The following RABGAP1L variants were observed in gnomAD, a reference collection of about 807,000 sequenced individuals.
The protein encoded by RABGAP1L is rab GTPase-activating protein 1-like.
In RABGAP1L, 63 loss-of-function variants were observed where a neutral mutation model predicts 137.7. The observed-to-expected ratio is 0.46, with a 90% CI of 0.37 to 0.56. RABGAP1L has a LOEUF of 0.56. RABGAP1L is among the 20% of genes least tolerant of loss of function. The probability of loss-of-function intolerance (pLI) is 0.00; values close to 1 mark genes in which losing one functional copy is unlikely to be tolerated. For missense variants in RABGAP1L, 1,095 were observed against 1,244.0 expected, an observed-to-expected ratio of 0.88 and a Z score of 1.80; for synonymous variants, 431 against 433.7, an observed-to-expected ratio of 0.99 and a Z score of 0.08.
At chr1:174,982,261 C>A (rs563969563) in intron 23 of RABGAP1L, among the ~76,000 whole-genome samples, 18 of 152,224 alleles carry the variant, frequency 1.2e-4, no homozygotes, top group Admixed American at 8.5e-4. Flanking sequence ...TTAGGTATTT[C>A]TCCTAATGTT....
intron 19 of RABGAP1L, among the ~76,000 whole-genome samples, chr1:174,859,757 G>A (rs1173550227): frequency 6.6e-6 from 1 of 151,902 alleles, no homozygotes; most frequent in Non-Finnish European, 1.5e-5. Context: ...ATACCTGGGT[G>A]ATGAAATAAT....
At chr1:174,508,859 A>C (rs1053490048) in intron 13 of RABGAP1L, among the ~76,000 whole-genome samples, 1 of 152,060 alleles carries the variant, frequency 6.6e-6, no homozygotes, top group Non-Finnish European at 1.5e-5. Context: ...TGCCTATTTT[A>C]TTGTTTCTGT....
intron 14 of RABGAP1L, among the ~76,000 whole-genome samples, chr1:174,647,436 G>A (rs572316171): frequency 3.3e-5 from 5 of 152,020 alleles, no homozygotes; most frequent in South Asian, 2.1e-4. Context: ...GAATTTTATC[G>A]AAGCCCTTTC....
intron 18 of RABGAP1L, among the ~76,000 whole-genome samples, chr1:174,773,546 A>G (rs1686292681): frequency 1.3e-5 from 2 of 152,218 alleles, no homozygotes; most frequent in Admixed American, 6.5e-5. Flanking sequence ...TGAATTAAGC[A>G]TATTCTATTG....
intron 19 of RABGAP1L, among the ~76,000 whole-genome samples, chr1:174,925,349 C>T (rs1167459298): frequency 6.2e-5 from 7 of 113,256 alleles, no homozygotes; most frequent in Non-Finnish European, 1.0e-4. Context: ...CTCGAGACTC[C>T]GTCTCAAAAA....
At chr1:174,340,145 T>A (rs547902720) in intron 11 of RABGAP1L, among the ~76,000 whole-genome samples, 1 of 152,358 alleles carries the variant, frequency 6.6e-6, no homozygotes, top group Non-Finnish European at 1.5e-5. Context: ...ACTATTTACA[T>A]GATATGAAAC....
intron 11 of RABGAP1L, among the ~76,000 whole-genome samples, chr1:174,352,124 T>C (rs984728751): frequency 6.6e-6 from 1 of 152,146 alleles, no homozygotes; most frequent in Non-Finnish European, 1.5e-5. Flanking sequence ...TACTCTGTTA[T>C]TATCCCTTTG....
At chr1:174,267,041 C>T (rs1674132304) in intron 7 of RABGAP1L, among the ~76,000 whole-genome samples, 1 of 152,114 alleles carries the variant, frequency 6.6e-6, no homozygotes, top group South Asian at 2.1e-4. Flanking sequence ...TCACTAGGAA[C>T]AGAAAGCTGC....
intron 24 of RABGAP1L, among the ~76,000 whole-genome samples, chr1:174,983,962 C>T (rs1671355466): frequency 6.8e-6 from 1 of 146,392 alleles, no homozygotes; most frequent in Non-Finnish European, 1.5e-5. Context: ...ACTCTTTGTA[C>T]ATTATAGGCA....
chr1:174,580,023 A>C (rs1404798058), intron 13 of RABGAP1L, among the ~76,000 whole-genome samples: 3 of 152,166 alleles, frequency 2.0e-5, no homozygotes, highest in Non-Finnish European at 4.4e-5. Context: ...CGGCCTCCCA[A>C]AGTGCTGGGA....
At chr1:174,926,110 C>G (rs370353797) in intron 19 of RABGAP1L, among the ~76,000 whole-genome samples, 20 of 152,144 alleles carry the variant, frequency 1.3e-4, no homozygotes, top group East Asian at 9.7e-4. Context: ...TGTAATAATA[C>G]TGCCTTAATT....
At chr1:174,945,840 T>C (rs938777288) in intron 19 of RABGAP1L, 1 of 152,222 alleles carries the variant, frequency 6.6e-6, no homozygotes, top group Non-Finnish European at 1.5e-5. Context: ...GTGATCTGCT[T>C]TAAGCTATAA....
rs368432186 is a variant in RABGAP1L, at chr1:174,250,560, C to T, written c.803C>T (p.Thr268Ile). ...GATGTTAAAGACTCAGTTATTCCTA[C>T]CCCCGACAGTGATGTGTTTACCTTC... Reference protein sequence around the residue: ...VSDVKDSVIPTPDSDVFTFSV... With the variant: ...VSDVKDSVIPIPDSDVFTFSV... The change falls in exon 6 of 26, where the codon ACC (threonine) becomes ATC (isoleucine). Residue 268 changes from threonine to isoleucine, a missense_variant. Transcript: ENST00000681986. 3 of 1,613,778 alleles carry T rather than the reference C, an allele frequency of 1.9e-6. No homozygotes were observed. The highest frequency in any genetic ancestry group is 1.7e-6 in the Non-Finnish European group (2 of 1,179,776).
intron 19 of RABGAP1L, among the ~76,000 whole-genome samples, chr1:174,887,347 T>C (rs531439166): frequency 7.2e-5 from 11 of 152,296 alleles, no homozygotes; most frequent in South Asian, 2.1e-4. Context: ...TTATATAATA[T>C]TCACAAAAAT....
Position 174,976,034 on chromosome 1 carries a change from CTGTATGACTGTGA to C in RABGAP1L, c.2545-28_2545-16del, listed in dbSNP as rs142125254. 0.21 allele frequency: 308,354 copies of C among 1,480,146 alleles called. 34,600 individuals are homozygous for C. The highest frequency in any genetic ancestry group is 0.23 in the Non-Finnish European group (249,170 of 1,083,578). The allele number at this position is 1,480,146 out of a possible 1,614,324, so 91.7% of individuals were successfully genotyped here. On this transcript the variant is annotated intron_variant, in intron 21 of 25. Transcript: ENST00000681986. Reference sequence around the variant, plus strand: ...GATTTCCACACACTTTCTTTACCCTCTGTATGACTGTGATGTATGACTGTGATGCACCATGATT... The same window carrying C: ...GATTTCCACACACTTTCTTTACCCTCTGTATGACTGTGATGCACCATGATT...
chr1:174,963,643 CTAGAG>C (rs2149354700), intron 20 of RABGAP1L, among the ~76,000 whole-genome samples: 1 of 151,604 alleles, frequency 6.6e-6, no homozygotes, highest in African/African-American at 2.4e-5. Context: ...GATTTGTGTA[CTAGAG>C]TAGAGCAAGG....
At chr1:174,441,855 T>G (rs975016350) in intron 13 of RABGAP1L, among the ~76,000 whole-genome samples, 1 of 150,752 alleles carries the variant, frequency 6.6e-6, no homozygotes, top group African/African-American at 2.4e-5. Context: ...TTTTTTAAAG[T>G]TGGTGGAAAG....
chr1:174,771,629 A>C (rs1433540235), intron 18 of RABGAP1L, among the ~76,000 whole-genome samples: 1 of 152,248 alleles, frequency 6.6e-6, no homozygotes, highest in Non-Finnish European at 1.5e-5. Flanking sequence ...TTTGTTCTAC[A>C]TTAGTGAAAT....
chr1:174,372,176 A>G (rs1479687282), intron 12 of RABGAP1L, among the ~76,000 whole-genome samples: 3 of 152,184 alleles, frequency 2.0e-5, no homozygotes, highest in Non-Finnish European at 4.4e-5. Flanking sequence ...TAAAATAATC[A>G]AAAGGGTCAG....
Sources: gnomAD v4.1 joint callset for allele counts (sites outside exome capture counted in the v4.1 genomes callset) on GRCh38, gnomAD v4.1.1 for gene constraint, MANE v1.5 for transcripts, NCBI Gene and HGNC (gene_info 2026-07-23, HGNC 2026-07-21) for gene names.